WDR27: variants seen among roughly 807,000 people sequenced by gnomAD.
WDR27 encodes WD repeat-containing protein 27.
Under a neutral mutation model 114.4 loss-of-function variants are expected in WDR27, and 100 were observed. The ratio of observed to expected loss-of-function variants is 0.87; its 90% CI spans 0.74 to 1.03. The LOEUF (loss-of-function observed/expected upper bound fraction) is 1.03. Among genes scored for constraint, WDR27 ranks in the 50% least tolerant of loss-of-function variants. The pLI, the probability that WDR27 is intolerant of heterozygous loss-of-function variation, is 0.00. For missense variants in WDR27, 1,129 were observed against 1,092.9 expected (o/e 1.03, Z -0.47); for synonymous variants, 449 against 423.1 (o/e 1.06, Z -0.75).
chr6:169,660,640 G>T, intron 10 of WDR27, 23 bp downstream of exon 10: 1 of 1,583,004 alleles, frequency 6.3e-7, no homozygotes, highest in Non-Finnish European at 8.7e-7. Context: ...ACAGTTACAT[G>T]GCGTTGAAAT....
At chr6:169,502,055 C>T (rs117181581) in intron 25 of WDR27, among the ~76,000 whole-genome samples, 1 of 152,204 alleles carries the variant, frequency 6.6e-6, no homozygotes, top group African/African-American at 2.4e-5. Context: ...TGAACGGAGC[C>T]GCACGCACCA....
chr6:169,450,368 C>T, the WDR27 span, among the ~76,000 whole-genome samples: 1 of 152,172 alleles, frequency 6.6e-6, no homozygotes, highest in African/African-American at 2.4e-5. Flanking sequence ...AAGTGCCAGA[C>T]GGAGCCTGGA....
intron 25 of WDR27, among the ~76,000 whole-genome samples, chr6:169,498,918 A>T (rs1790739856): frequency 6.6e-6 from 1 of 152,226 alleles, no homozygotes; most frequent in Admixed American, 6.5e-5. Context: ...AAATCTAGAC[A>T]CATGTAATAA....
intron 25 of WDR27, among the ~76,000 whole-genome samples, chr6:169,516,516 G>C (rs1324676202): frequency 6.6e-6 from 1 of 152,090 alleles, no homozygotes; most frequent in African/African-American, 2.4e-5. Context: ...GGGGACATTT[G>C]TCTAAAACAT....
intron 14 of WDR27, among the ~76,000 whole-genome samples, chr6:169,651,187 G>GT (rs1554345298): frequency 9.1e-6 from 1 of 109,312 alleles, no homozygotes; most frequent in African/African-American, 4.7e-5. Flanking sequence ...GCGGGGCGGG[G>GT]GGGGGGAGTG....
rs186239360 is a variant in WDR27 at position 169,529,864 on chromosome 6, T to C, written c.2645+42555A>G. ...AATGAAAAAAAAAATAGTTGCCATG[T>C]TTTTGTAATTCACAAACTTCAATAG... On this transcript the variant is annotated intron_variant, in intron 25 of 25. Coordinates refer to ENST00000448612, the MANE Select transcript of WDR27 (RefSeq NM_182552.5). 3.4e-3 allele frequency among the ~76,000 whole-genome samples: 512 copies of C among 152,352 alleles called. 5 individuals carry two copies. Among genetic ancestry groups the C allele is most frequent in the African/African-American group, 0.012 (494 of 41,590 alleles).
intron 1 of WDR27, among the ~76,000 whole-genome samples, chr6:169,689,893 G>C (rs1439404105): frequency 6.6e-6 from 1 of 150,956 alleles, no homozygotes; most frequent in Non-Finnish European, 1.5e-5. Flanking sequence ...CGTGGATTCA[G>C]AGGATCCACC....
chr6:169,617,409 C>A (rs937843953), intron 21 of WDR27, among the ~76,000 whole-genome samples: 2 of 152,162 alleles, frequency 1.3e-5, no homozygotes, highest in African/African-American at 4.8e-5. Flanking sequence ...GAGTTTCACT[C>A]TTGTTGTTCA....
intron 25 of WDR27, among the ~76,000 whole-genome samples, chr6:169,473,757 T>G (rs1786754577): frequency 1.3e-5 from 2 of 152,236 alleles, no homozygotes; most frequent in Admixed American, 6.5e-5. Flanking sequence ...CTGGGTCTAT[T>G]CACTGATAGG....
At chr6:169,504,395 G>C (rs1333759718) in intron 25 of WDR27, among the ~76,000 whole-genome samples, 1 of 152,118 alleles carries the variant, frequency 6.6e-6, no homozygotes, top group African/African-American at 2.4e-5. Context: ...TACTTTTCTT[G>C]TGATAGTGAT....
intron 14 of WDR27, among the ~76,000 whole-genome samples, chr6:169,651,177 G>C (rs1423884537): frequency 9.7e-6 from 1 of 103,250 alleles, no homozygotes; most frequent in East Asian, 6.1e-4. Context: ...GCACAGCAGT[G>C]CGGGGCGGGG....
intron 23 of WDR27, among the ~76,000 whole-genome samples, chr6:169,589,027 T>C (rs146986506): frequency 2.6e-4 from 40 of 152,276 alleles, no homozygotes; most frequent in African/African-American, 9.6e-4. Flanking sequence ...CATTCACACA[T>C]GGTTTAGGGC....
At chr6:169,480,706 G>A (rs1476905419) in intron 25 of WDR27, among the ~76,000 whole-genome samples, 2 of 150,966 alleles carry the variant, frequency 1.3e-5, no homozygotes, top group Non-Finnish European at 2.9e-5. Context: ...TCTAACTCAA[G>A]GTTTGTAAAC....
In WDR27 at chr6:169,575,513, G is replaced by A. The variant is rs573028933; in HGVS notation, c.2524-2973C>T. The stretch of plus-strand genomic sequence containing the variant: ...CTCCTACTGGGAGGTTGGTCTTATC[G>A]CTCCCAACACTGATCCTGAGCTGTT... On this transcript the variant is annotated intron_variant, in intron 24 of 25. Transcript: ENST00000448612. Among the ~76,000 whole-genome samples, 38 of 152,016 alleles carry A rather than the reference G, an allele frequency of 2.5e-4. No homozygotes were observed. In the South Asian group the frequency reaches 6.5e-3, roughly 26 times the overall value.
chr6:169,547,368 C>CA (rs375853148), intron 25 of WDR27, among the ~76,000 whole-genome samples: 136 of 151,504 alleles, frequency 9.0e-4, no homozygotes, highest in African/African-American at 2.9e-3. Context: ...TAAAAAACAA[C>CA]AAAAAAAAGA....
intron 17 of WDR27, among the ~76,000 whole-genome samples, chr6:169,641,706 G>A (rs913441224): frequency 6.6e-6 from 1 of 152,162 alleles, no homozygotes; most frequent in African/African-American, 2.4e-5. Flanking sequence ...GGAGAGATGC[G>A]CATCTTCACT....
At chr6:169,519,607 T>C (rs1794113187) in intron 25 of WDR27, among the ~76,000 whole-genome samples, 1 of 151,976 alleles carries the variant, frequency 6.6e-6, no homozygotes, top group South Asian at 2.1e-4. Context: ...CCATGAGAGA[T>C]CTGCCCTCAT....
chr6:169,676,116 A>G (rs1780015695), intron 2 of WDR27, among the ~76,000 whole-genome samples: 1 of 152,204 alleles, frequency 6.6e-6, no homozygotes, highest in African/African-American at 2.4e-5. Flanking sequence ...TAGGCCCCTT[A>G]GGTAGGAATT....
chr6:169,664,897 CGCGG>C lies in WDR27; in HGVS notation c.783+585_783+588del, dbSNP rs1827345676. 6 of 982,546 alleles carry C rather than the reference CGCGG, an allele frequency of 6.1e-6. No homozygotes were observed. In the African/African-American group the frequency reaches 7.1e-5, roughly 12 times the overall value. 60.9% of individuals were successfully genotyped at this position (982,546 alleles called of 1,614,324 possible). A position where few individuals can be genotyped will look rare whatever the true frequency, so the allele number is the denominator to read the frequency against. ...AGCCGTCCAGGGCGCCTCTCCGGGG[CGCGG>C]GCAGCGTGCGGGCACGGGGGATGCC... is the stretch of plus-strand genomic sequence containing the variant. On this transcript the variant is annotated intron_variant, in intron 7 of 25. Transcript: ENST00000448612.
Sources: gnomAD v4.1 joint callset for allele counts (sites outside exome capture counted in the v4.1 genomes callset) on GRCh38, gnomAD v4.1.1 for gene constraint, MANE v1.5 for transcripts, NCBI Gene and HGNC (gene_info 2026-07-23, HGNC 2026-07-21) for gene names.